Variants in NUFIP1 observed in about 807,000 individuals in gnomAD.
NUFIP1 encodes nuclear FMR1 interacting protein 1.
In NUFIP1, 38 loss-of-function variants were observed where a neutral mutation model predicts 56.2. That is an observed-to-expected ratio of 0.68 (90% confidence interval 0.52 to 0.89). The LOEUF is 0.89. NUFIP1 is among the 40% of genes least tolerant of loss of function. The pLI is 0.00. For missense variants in NUFIP1, 567 were observed against 605.8 expected (o/e 0.94, Z 0.67); for synonymous variants, 215 against 212.4 (o/e 1.01, Z -0.10).
chr13:44,954,532 C>T (rs1186087219), intron 7 of NUFIP1, among the ~76,000 whole-genome samples: 1 of 152,104 alleles, frequency 6.6e-6, no homozygotes, highest in Non-Finnish European at 1.5e-5. Context: ...CTTTGAATGC[C>T]TTGTCCGCTC....
At position 44,940,020 on chromosome 13, in the gene NUFIP1, T is replaced by C. The variant is rs1315126911; in HGVS notation, c.*1186A>G. The C allele has an allele frequency of 1.3e-5, 2 of 152,212 alleles. No individual in the cohort carries two copies. Among genetic ancestry groups the C allele is most frequent in the Admixed American group, 6.5e-5 (1 of 15,286 alleles). The allele number at this position is 152,212 out of a possible 1,614,324, so 9.4% of individuals were successfully genotyped here. A position where few individuals can be genotyped will look rare whatever the true frequency, so the allele number is the denominator to read the frequency against. On this transcript the variant is annotated 3_prime_UTR_variant, in exon 10 of 10. Coordinates refer to ENST00000379161, the MANE Select transcript of NUFIP1 (RefSeq NM_012345.3). Reference sequence around the variant, plus strand: ...ATCTTTGAATATATCAAAATTAAACTGAGTTCCTTGAAGTCAGACATGGCC... The same window carrying C: ...ATCTTTGAATATATCAAAATTAAACCGAGTTCCTTGAAGTCAGACATGGCC...
chr13:44,956,306 C>T lies in NUFIP1; in HGVS notation c.1021+3075G>A, dbSNP rs547640322. Among the ~76,000 whole-genome samples the T allele has an allele frequency of 5.9e-5, 9 of 152,042 alleles. No individual in the cohort carries two copies. In the East Asian group the frequency reaches 9.7e-4, roughly 16 times the overall value. On this transcript the variant is annotated intron_variant, in intron 7 of 9. Transcript: ENST00000379161. ...CGGGGATAGATTGTCTGTAGCTATACCTGCAGTGAAAAGTTAAAGAACCTA... is the reference window on the plus strand; with the variant it reads ...CGGGGATAGATTGTCTGTAGCTATATCTGCAGTGAAAAGTTAAAGAACCTA...
rs149400700 is a variant in NUFIP1 at position 44,953,589 on chromosome 13, C to T, written c.1022-3751G>A. Among the ~76,000 whole-genome samples the T allele has an allele frequency of 4.1e-3, 625 of 152,242 alleles. 6 individuals carry two copies. The highest frequency in any genetic ancestry group is 0.015 in the African/African-American group (607 of 41,526). ...TATTTATTTTGTGGCACCAATTGTT[C>T]CAACTTTGGCCCTTGGGAACTCTTT... On this transcript the variant is annotated intron_variant, in intron 7 of 9. Transcript: ENST00000379161.
chr13:44,989,031 G>A lies in NUFIP1; in HGVS notation c.406C>T (p.Pro136Ser), dbSNP rs144069108. 18 of 1,613,706 alleles carry A rather than the reference G, an allele frequency of 1.1e-5. No individual in the cohort carries two copies. The African/African-American group carries it at 2.3e-4, about 20-fold the overall frequency. ...ACGTGGAAAAATAGCCTACCTGCAG[G>A]GTTGAAGGACTTCTGATGCCGAGGA... Reference protein sequence around the residue: ...RFPRHQKSFNPAVKNSYYPRK... With the variant: ...RFPRHQKSFNSAVKNSYYPRK... Residue 136 changes from proline (P) to serine (S), a missense_variant, in exon 1 of 10, where the codon CCT becomes TCT. Transcript: ENST00000379161.
intron 9 of NUFIP1, among the ~76,000 whole-genome samples, chr13:44,942,001 G>A (rs1481592130): frequency 3.3e-5 from 5 of 151,096 alleles, no homozygotes; most frequent in Non-Finnish European, 5.9e-5. Context: ...TCCGCCTCCC[G>A]GGTTCAAGCA....
At chr13:44,982,465 A>G (rs1385060963) in intron 1 of NUFIP1, among the ~76,000 whole-genome samples, 2 of 152,212 alleles carry the variant, frequency 1.3e-5, no homozygotes, top group African/African-American at 2.4e-5. Context: ...AACCAGTAAA[A>G]TCCCCAACAC....
intron 5 of NUFIP1, among the ~76,000 whole-genome samples, chr13:44,973,309 A>T (rs1018825704): frequency 1.3e-5 from 2 of 152,242 alleles, no homozygotes; most frequent in African/African-American, 4.8e-5. Flanking sequence ...TTTAAGTACT[A>T]TTAGTTACAC....
At chr13:44,988,499 CTTTGT>C (rs922336322) in intron 1 of NUFIP1, among the ~76,000 whole-genome samples, 6 of 152,178 alleles carry the variant, frequency 3.9e-5, no homozygotes, top group Admixed American at 2.0e-4. Context: ...TACCATTCTT[CTTTGT>C]TTTATCTCTC....
chr13:44,956,965 A>G (rs1593360900), intron 7 of NUFIP1, among the ~76,000 whole-genome samples: 1 of 152,182 alleles, frequency 6.6e-6, no homozygotes, highest in Admixed American at 6.5e-5. Flanking sequence ...CAGCTTTCCT[A>G]CAAACTTAAG....
intron 5 of NUFIP1, among the ~76,000 whole-genome samples, chr13:44,969,577 G>A (rs759250281): frequency 1.3e-5 from 2 of 152,124 alleles, no homozygotes; most frequent in Non-Finnish European, 2.9e-5. Context: ...TTTTCTCCCT[G>A]TACTTCTATC....
rs1871754006 is a variant in NUFIP1 at position 44,970,210 on chromosome 13, C to G, written c.735-4274G>C. 1.3e-5 allele frequency among the ~76,000 whole-genome samples: 2 copies of G among 152,102 alleles called. 1 individual carries two copies. The highest frequency in any genetic ancestry group is 4.1e-4 in the South Asian group (2 of 4,824). ...TAGGACAGGAATTAAGAAAGAATAA[C>G]TTTTTTTGGTGGCTTTTTTGGGGAG... On this transcript the variant is annotated intron_variant, in intron 5 of 9. Coordinates refer to ENST00000379161, the MANE Select transcript of NUFIP1 (RefSeq NM_012345.3).
chr13:44,943,617 C>T lies in NUFIP1; in HGVS notation c.1196G>A (p.Ser399Asn). 6.2e-7 allele frequency: 1 copy of T among 1,614,094 alleles called. No homozygotes were observed. The highest frequency in any genetic ancestry group is 8.5e-7 in the Non-Finnish European group (1 of 1,180,006). Reference sequence around the variant, plus strand: ...ATCTTGACTTGGACTCTTAGGAGCACTGCTATCAAGAACCTGGTTTTCTGC... The same window carrying T: ...ATCTTGACTTGGACTCTTAGGAGCATTGCTATCAAGAACCTGGTTTTCTGC... ...VLAENQVLDS[S>N]APKSPSQDVK... is the part of the protein sequence containing the mutation. Residue 399 changes from serine (S) to asparagine (N), a missense_variant, in exon 9 of 10, where the codon AGT becomes AAT. Coordinates refer to ENST00000379161, the MANE Select transcript of NUFIP1 (RefSeq NM_012345.3).
intron 3 of NUFIP1, 50 bp from the exon 4 acceptor site, chr13:44,980,002 G>T: frequency 7.1e-7 from 1 of 1,411,204 alleles, no homozygotes; most frequent in Non-Finnish European, 9.8e-7. Context: ...TGTTTTCCAT[G>T]TTAAATTTAC....
intron 7 of NUFIP1, among the ~76,000 whole-genome samples, chr13:44,957,264 C>A (rs956483588): frequency 6.6e-6 from 1 of 152,024 alleles, no homozygotes; most frequent in African/African-American, 2.4e-5. Flanking sequence ...CAGGCTGGAG[C>A]GCAATGGTGT....
At chr13:44,948,403 A>G (rs2137893417) in intron 8 of NUFIP1, among the ~76,000 whole-genome samples, 1 of 152,126 alleles carries the variant, frequency 6.6e-6, no homozygotes, top group East Asian at 1.9e-4. Context: ...CAGCCTCCCA[A>G]AGTGTTGGGA....
intron 8 of NUFIP1, among the ~76,000 whole-genome samples, chr13:44,946,629 C>CCTTG (rs1226079502): frequency 9.2e-5 from 14 of 152,248 alleles, no homozygotes; most frequent in African/African-American, 3.4e-4. Flanking sequence ...GTTTAAATAT[C>CCTTG]TTTCCAGAAA....
At chr13:44,944,738 T>G (rs985011242) in intron 8 of NUFIP1, among the ~76,000 whole-genome samples, 8 of 151,824 alleles carry the variant, frequency 5.3e-5, no homozygotes, top group African/African-American at 1.9e-4. Flanking sequence ...TAAACTAAAA[T>G]CATTAACAGA....
chr13:44,968,411 A>G (rs1212843217), intron 5 of NUFIP1, among the ~76,000 whole-genome samples: 1 of 151,912 alleles, frequency 6.6e-6, no homozygotes, highest in Non-Finnish European at 1.5e-5. Flanking sequence ...GAGAAGAAAA[A>G]AAAAAAAAAA....
rs960725916 is a variant in NUFIP1, at chr13:44,940,994, C to T, written c.*212G>A. On this transcript the variant is annotated 3_prime_UTR_variant, in exon 10 of 10. Transcript: ENST00000379161. ...TCTCCCAGCAAATACTAGATTCAAT[C>T]CCAACAATACAGACACAGTCTTAAA... 2 of 382,496 alleles carry T rather than the reference C, an allele frequency of 5.2e-6. No homozygotes were observed. Among genetic ancestry groups the T allele is most frequent in the Admixed American group, 4.2e-5 (1 of 23,696 alleles). 23.7% of individuals were successfully genotyped at this position (382,496 alleles called of 1,614,324 possible).
Sources: allele counts gnomAD v4.1 joint callset (sites outside exome capture counted in the v4.1 genomes callset), GRCh38; gene constraint gnomAD v4.1.1; transcripts MANE v1.5; gene names NCBI Gene and HGNC (gene_info 2026-07-23, HGNC 2026-07-21).